The following GALNT17 variants were observed in gnomAD, a reference collection of about 807,000 sequenced individuals.
GALNT17 encodes UDP-GalNAc:polypeptide N-acetylgalactosaminyltransferase-like 3.
A neutral mutation model predicts 63.7 loss-of-function variants in GALNT17; 29 were observed. That is an observed-to-expected ratio of 0.46 (90% CI 0.34 to 0.62). The LOEUF (loss-of-function observed/expected upper bound fraction) is 0.62. Among genes scored for constraint, GALNT17 ranks in the 20% least tolerant of loss-of-function variants. The pLI is 0.01. For missense variants in GALNT17, 603 were observed against 799.6 expected (o/e 0.75, Z 2.97); for synonymous variants, 305 against 318.3 (o/e 0.96, Z 0.45).
chr7:71,443,847 C>T (rs1008290064), intron 5 of GALNT17, among the ~76,000 whole-genome samples: 2 of 152,034 alleles, frequency 1.3e-5, no homozygotes, highest in Non-Finnish European at 2.9e-5. Context: ...GCCTCAGCTT[C>T]CCGAGTGGCT....
At chr7:71,265,535 G>T (rs1221748940) in intron 1 of GALNT17, among the ~76,000 whole-genome samples, 2 of 152,118 alleles carry the variant, frequency 1.3e-5, no homozygotes, top group Non-Finnish European at 2.9e-5. Context: ...ATTTGCACAA[G>T]GAGGGCAAGG....
chr7:71,589,137 T>G (rs1789762528), intron 6 of GALNT17, among the ~76,000 whole-genome samples: 1 of 152,172 alleles, frequency 6.6e-6, no homozygotes, highest in African/African-American at 2.4e-5. Flanking sequence ...ACTGGTCTTC[T>G]TTGTAATTTT....
chr7:71,299,670 T>G (rs1171374903), intron 1 of GALNT17, among the ~76,000 whole-genome samples: 1 of 152,182 alleles, frequency 6.6e-6, no homozygotes, highest in Admixed American at 6.5e-5. Context: ...GAGATGACCG[T>G]GGGGGCGAGG....
At chr7:71,141,084 CAG>C (rs1787881149) in intron 1 of GALNT17, among the ~76,000 whole-genome samples, 1 of 146,578 alleles carries the variant, frequency 6.8e-6, no homozygotes, top group African/African-American at 2.5e-5. Context: ...CATGGTGACT[CAG>C]GGCCAGGCGT....
intron 2 of GALNT17, among the ~76,000 whole-genome samples, chr7:71,368,357 C>A (rs902724165): frequency 1.3e-5 from 2 of 152,162 alleles, no homozygotes; most frequent in Non-Finnish European, 2.9e-5. Context: ...AGTTTCTTGG[C>A]GGTACATTGT....
At chr7:71,568,577 G>A (rs768860083) in intron 5 of GALNT17, among the ~76,000 whole-genome samples, 4 of 152,038 alleles carry the variant, frequency 2.6e-5, no homozygotes, top group South Asian at 2.1e-4. Flanking sequence ...GAGAACATGC[G>A]GTCTTTGGTT....
chr7:71,503,508 A>G (rs1474803431), intron 5 of GALNT17, among the ~76,000 whole-genome samples: 2 of 152,174 alleles, frequency 1.3e-5, no homozygotes. Context: ...AAGTGCTAGA[A>G]TTACAGGCAT....
intron 1 of GALNT17, among the ~76,000 whole-genome samples, chr7:71,168,445 G>A (rs1276402795): frequency 2.6e-5 from 4 of 151,892 alleles, no homozygotes; most frequent in East Asian, 3.9e-4. Flanking sequence ...GGTGGCGGGC[G>A]GCTGTAACCC....
At chr7:71,254,260 A>G (rs1790251094) in intron 1 of GALNT17, among the ~76,000 whole-genome samples, 1 of 152,188 alleles carries the variant, frequency 6.6e-6, no homozygotes. Flanking sequence ...CAAGGTTTTT[A>G]TCATGCAGAT....
At chr7:71,307,517 A>G (rs1051826170) in intron 1 of GALNT17, among the ~76,000 whole-genome samples, 1 of 151,744 alleles carries the variant, frequency 6.6e-6, no homozygotes, top group Admixed American at 6.5e-5. Flanking sequence ...ATTATAATAC[A>G]GCTTATCAAG....
chr7:71,161,860 G>T (rs1788347111), intron 1 of GALNT17, among the ~76,000 whole-genome samples: 1 of 152,054 alleles, frequency 6.6e-6, no homozygotes, highest in South Asian at 2.1e-4. Flanking sequence ...TTTCAACGTT[G>T]TATCTGTACC....
intron 6 of GALNT17, among the ~76,000 whole-genome samples, chr7:71,628,298 A>G (rs1424931113): frequency 1.3e-5 from 2 of 152,138 alleles, no homozygotes; most frequent in Non-Finnish European, 2.9e-5. Flanking sequence ...AATTTGCTCT[A>G]TTGAATTGCT....
Position 71,464,216 on chromosome 7 carries a change from C to T in GALNT17, c.962+43111C>T, listed in dbSNP as rs375174588. 2.0e-4 allele frequency among the ~76,000 whole-genome samples: 30 copies of T among 152,262 alleles called. No homozygotes were observed. The South Asian group carries it at 6.0e-3, about 31-fold the overall frequency. On this transcript the variant is annotated intron_variant, in intron 5 of 10. Transcript: ENST00000333538. ...GACCTAACAGGATTCTTGCTAAAGG[C>T]AGGCCAAGGGCTCAGACAGCAAGGG...
rs188597364 is a variant in GALNT17, at chr7:71,281,723, C to T, written c.239-53827C>T. On this transcript the variant is annotated intron_variant, in intron 1 of 10. Coordinates refer to ENST00000333538, the MANE Select transcript of GALNT17 (RefSeq NM_022479.3). ...CCCTGTTTCCTTAACGCTGGAAAAT[C>T]GTGTTGGTTTTGAATTTGGGAGACA... is the stretch of plus-strand genomic sequence containing the variant. Among the ~76,000 whole-genome samples, 237 of 152,266 alleles carry T rather than the reference C, an allele frequency of 1.6e-3. 2 individuals carry two copies. The highest frequency in any genetic ancestry group is 5.4e-3 in the African/African-American group (225 of 41,558).
chr7:71,498,012 C>T (rs1469311430), intron 5 of GALNT17, among the ~76,000 whole-genome samples: 2 of 152,158 alleles, frequency 1.3e-5, no homozygotes, highest in African/African-American at 4.8e-5. Flanking sequence ...TATGCACATG[C>T]GTGTGGGATC....
At chr7:71,292,486 A>C (rs921817836) in intron 1 of GALNT17, among the ~76,000 whole-genome samples, 10 of 152,168 alleles carry the variant, frequency 6.6e-5, no homozygotes, top group African/African-American at 2.4e-4. Flanking sequence ...ATGTGAACTG[A>C]GCATTTTTAA....
chr7:71,330,797 T>C (rs1037618268), intron 1 of GALNT17, among the ~76,000 whole-genome samples: 2 of 152,226 alleles, frequency 1.3e-5, no homozygotes, highest in African/African-American at 4.8e-5. Flanking sequence ...GCCGTGCATA[T>C]AGAGCAGAAA....
At chr7:71,558,208 T>C (rs767008610) in intron 5 of GALNT17, among the ~76,000 whole-genome samples, 1 of 152,136 alleles carries the variant, frequency 6.6e-6, no homozygotes, top group African/African-American at 2.4e-5. Flanking sequence ...GGATAGTAAA[T>C]CCAGGCAAAA....
At chr7:71,202,166 T>C (rs555544223) in intron 1 of GALNT17, among the ~76,000 whole-genome samples, 2 of 152,316 alleles carry the variant, frequency 1.3e-5, no homozygotes, top group East Asian at 3.9e-4. Context: ...TAAAACAATA[T>C]AAATAAGCAA....
Sources: gnomAD v4.1 joint callset for allele counts (sites outside exome capture counted in the v4.1 genomes callset) on GRCh38, gnomAD v4.1.1 for gene constraint, MANE v1.5 for transcripts, NCBI Gene and HGNC (gene_info 2026-07-23, HGNC 2026-07-21) for gene names.